The following PPM1L variants were observed in gnomAD, a reference collection of about 807,000 sequenced individuals.
PPM1L encodes protein phosphatase 1L.
A neutral mutation model predicts 31.4 loss-of-function variants in PPM1L; 13 were observed. The observed-to-expected ratio is 0.41, with a 90% confidence interval of 0.27 to 0.66. The LOEUF (loss-of-function observed/expected upper bound fraction) is 0.66, where lower values mean the gene tolerates loss of function less well. Among genes scored for constraint, PPM1L ranks in the 30% least tolerant of loss-of-function variants. The probability of loss-of-function intolerance (pLI) is 0.29; values close to 1 mark genes in which losing one functional copy is unlikely to be tolerated. For missense variants in PPM1L, 326 were observed against 453.7 expected (o/e 0.72, Z 2.56); for synonymous variants, 184 against 175.4 (o/e 1.05, Z -0.39).
At chr3:160,851,303 A>G (rs1711513525) in intron 1 of PPM1L, among the ~76,000 whole-genome samples, 1 of 152,132 alleles carries the variant, frequency 6.6e-6, no homozygotes, top group Admixed American at 6.5e-5. Context: ...ATTGTCTATC[A>G]CCTAGGGCTG....
At chr3:160,914,989 G>A (rs150853957) in intron 1 of PPM1L, among the ~76,000 whole-genome samples, 130 of 152,248 alleles carry the variant, frequency 8.5e-4, no homozygotes, top group African/African-American at 3.1e-3. Context: ...ATTCTAACTG[G>A]TGTGAGATGG....
intron 2 of PPM1L, among the ~76,000 whole-genome samples, chr3:160,978,857 G>A (rs1716700585): frequency 6.6e-6 from 1 of 151,620 alleles, no homozygotes; most frequent in Non-Finnish European, 1.5e-5. Flanking sequence ...AAGAGAGAAA[G>A]AGAGAGAGAA....
chr3:161,063,779 T>A (rs1719644891), intron 2 of PPM1L, among the ~76,000 whole-genome samples: 2 of 152,206 alleles, frequency 1.3e-5, no homozygotes, highest in Admixed American at 1.3e-4. Context: ...CAAATGTCCA[T>A]CAATGATAGA....
intron 2 of PPM1L, among the ~76,000 whole-genome samples, chr3:161,007,938 T>C (rs1717766330): frequency 6.6e-6 from 1 of 152,128 alleles, no homozygotes; most frequent in African/African-American, 2.4e-5. Context: ...GACCAGATGG[T>C]ATTGTCGGGG....
chr3:160,762,385 T>C (rs901972231), intron 1 of PPM1L, among the ~76,000 whole-genome samples: 1 of 152,232 alleles, frequency 6.6e-6, no homozygotes, highest in Non-Finnish European at 1.5e-5. Context: ...ACCTGACTGC[T>C]GACCTTGCTG....
At chr3:161,058,602 A>G (rs1719489177) in intron 2 of PPM1L, among the ~76,000 whole-genome samples, 1 of 151,430 alleles carries the variant, frequency 6.6e-6, no homozygotes, top group South Asian at 2.1e-4. Context: ...ATGCTGGGGG[A>G]GGGGCTGAGG....
intron 1 of PPM1L, among the ~76,000 whole-genome samples, chr3:160,860,861 A>G (rs1344621690): frequency 6.6e-6 from 1 of 152,128 alleles, no homozygotes; most frequent in African/African-American, 2.4e-5. Flanking sequence ...GTCTCTTCCT[A>G]TAAGGGCTCT....
chr3:160,959,354 G>A (rs144327537), intron 1 of PPM1L, among the ~76,000 whole-genome samples: 1,944 of 152,238 alleles, frequency 0.013, 39 homozygotes, highest in African/African-American at 0.043. Flanking sequence ...AGTGTACACT[G>A]CTCCAGTGAT....
intron 2 of PPM1L, among the ~76,000 whole-genome samples, chr3:161,000,722 G>A (rs994783669): frequency 6.6e-6 from 1 of 152,090 alleles, no homozygotes; most frequent in Non-Finnish European, 1.5e-5. Flanking sequence ...AGATATACTC[G>A]AGAAATTTAC....
intron 1 of PPM1L, among the ~76,000 whole-genome samples, chr3:160,940,263 C>T (rs1013233174): frequency 2.0e-5 from 3 of 152,116 alleles, no homozygotes; most frequent in Non-Finnish European, 1.5e-5. Flanking sequence ...AATTTGGAGC[C>T]TGACTATGCA....
intron 2 of PPM1L, among the ~76,000 whole-genome samples, chr3:160,965,368 G>A (rs765054415): frequency 6.6e-6 from 1 of 152,074 alleles, no homozygotes; most frequent in Admixed American, 6.6e-5. Flanking sequence ...TTATGATGGT[G>A]CAAAAGTGAT....
intron 1 of PPM1L, among the ~76,000 whole-genome samples, chr3:160,824,400 G>T (rs1713296832): frequency 6.6e-6 from 1 of 152,126 alleles, no homozygotes; most frequent in South Asian, 2.1e-4. Flanking sequence ...AACTAAGTGT[G>T]CTTATTAAAG....
At chr3:161,035,269 T>C (rs894088016) in intron 2 of PPM1L, among the ~76,000 whole-genome samples, 6 of 151,214 alleles carry the variant, frequency 4.0e-5, no homozygotes, top group African/African-American at 1.5e-4. Context: ...GTTCTGCTTA[T>C]TGAATAGGTA....
intron 1 of PPM1L, among the ~76,000 whole-genome samples, chr3:160,787,277 A>C (rs1711962527): frequency 6.6e-6 from 1 of 152,052 alleles, no homozygotes; most frequent in Admixed American, 6.6e-5. Flanking sequence ...TTAATTTTTG[A>C]CTTTTTAATA....
At chr3:161,010,388 G>A (rs898730276) in intron 2 of PPM1L, among the ~76,000 whole-genome samples, 4 of 152,120 alleles carry the variant, frequency 2.6e-5, no homozygotes, top group African/African-American at 7.2e-5. Context: ...ATTCCATGGT[G>A]TATATGTGCC....
intron 2 of PPM1L, among the ~76,000 whole-genome samples, chr3:161,014,638 C>T (rs1718021163): frequency 6.6e-6 from 1 of 152,106 alleles, no homozygotes; most frequent in South Asian, 2.1e-4. Flanking sequence ...CCACGCCCAG[C>T]TAACTTTTAT....
chr3:160,925,999 T>C (rs11705811), intron 1 of PPM1L, among the ~76,000 whole-genome samples: 75,375 of 151,940 alleles, frequency 0.5, 19,729 homozygotes, highest in Middle Eastern at 0.6. Flanking sequence ...CAAGGAATAT[T>C]ACTGAGAGAA....
intron 1 of PPM1L, among the ~76,000 whole-genome samples, chr3:160,840,052 A>AGGTAACTGATTTCTTTATGAGGACT (rs1713824467): frequency 6.6e-6 from 1 of 152,206 alleles, no homozygotes; most frequent in Non-Finnish European, 1.5e-5. Flanking sequence ...GTTTAAGTGA[A>AGGTAACTGATTTCTTTATGAGGACT]GGTAACTGAT....
At chr3:161,056,550 T>C (rs1326070500) in intron 2 of PPM1L, among the ~76,000 whole-genome samples, 1 of 152,098 alleles carries the variant, frequency 6.6e-6, no homozygotes, top group African/African-American at 2.4e-5. Flanking sequence ...AGGTCTAAAA[T>C]CCTATCACCA....
Sources: allele counts gnomAD v4.1 joint callset (sites outside exome capture counted in the v4.1 genomes callset), GRCh38; gene constraint gnomAD v4.1.1; transcripts MANE v1.5; gene names NCBI Gene and HGNC (gene_info 2026-07-23, HGNC 2026-07-21).